PCDH15: variants seen among roughly 807,000 people sequenced by gnomAD.
PCDH15 encodes the protein protocadherin-15.
PCDH15 carries 129 observed loss-of-function variants against 178.5 expected under a neutral mutation model. The observed-to-expected ratio is 0.72, with a 90% CI of 0.63 to 0.84. The LOEUF (loss-of-function observed/expected upper bound fraction) is 0.84. Ranked by LOEUF, PCDH15 falls within the 40% of genes least tolerant of loss-of-function variation. The probability of loss-of-function intolerance (pLI) is 0.00; values close to 1 mark genes in which losing one functional copy is unlikely to be tolerated. For synonymous variants in PCDH15, 800 were observed against 732.0 expected (o/e 1.09, Z -1.50); for missense variants, 2,230 against 2,099.9 (o/e 1.06, Z -1.21).
At chr10:54,643,469 C>T (rs2135021141) in intron 2 of PCDH15, among the ~76,000 whole-genome samples, 1 of 152,216 alleles carries the variant, frequency 6.6e-6, no homozygotes, top group East Asian at 1.9e-4. Flanking sequence ...TACATTCAAA[C>T]ACATGTGTTG....
chr10:55,520,161 G>A (rs1364391772), intron 2 of PCDH15, among the ~76,000 whole-genome samples: 1 of 82,596 alleles, frequency 1.2e-5, no homozygotes, highest in African/African-American at 4.8e-5. Context: ...CACGCAATGT[G>A]TATATATATA....
At chr10:55,561,485 A>G (rs986509573) in intron 2 of PCDH15, among the ~76,000 whole-genome samples, 1 of 151,900 alleles carries the variant, frequency 6.6e-6, no homozygotes, top group Non-Finnish European at 1.5e-5. Context: ...TATGAATGAT[A>G]ATAATATTTT....
intron 2 of PCDH15, among the ~76,000 whole-genome samples, chr10:54,653,327 C>T (rs1205525276): frequency 6.6e-6 from 1 of 152,046 alleles, no homozygotes; most frequent in Non-Finnish European, 1.5e-5. Flanking sequence ...TCCTACTAGC[C>T]GTGTGTTATA....
At chr10:55,587,989 A>G (rs1328811016) in intron 2 of PCDH15, among the ~76,000 whole-genome samples, 2 of 152,216 alleles carry the variant, frequency 1.3e-5, no homozygotes, top group Non-Finnish European at 2.9e-5. Flanking sequence ...CAAGTGCTGA[A>G]TCGACAGCAT....
chr10:54,375,917 C>T (rs116692049), intron 4 of PCDH15, among the ~76,000 whole-genome samples: 5,294 of 147,724 alleles, frequency 0.036, 156 homozygotes, highest in African/African-American at 0.07. Flanking sequence ...CTTTTTGAGA[C>T]GGAGTCACAC....
At chr10:54,381,534 G>T (rs1410721397) in intron 3 of PCDH15, among the ~76,000 whole-genome samples, 1 of 151,996 alleles carries the variant, frequency 6.6e-6, no homozygotes. Flanking sequence ...TCTCTTCTTT[G>T]ACTTCATTTT....
chr10:54,869,346 T>C (rs926424668), intron 3 of PCDH15, among the ~76,000 whole-genome samples: 10 of 152,198 alleles, frequency 6.6e-5, no homozygotes, highest in African/African-American at 2.4e-4. Flanking sequence ...GCCAACATTA[T>C]GATTTCAAAC....
chr10:54,416,064 G>A (rs190306043), intron 3 of PCDH15, among the ~76,000 whole-genome samples: 1 of 152,172 alleles, frequency 6.6e-6, no homozygotes, highest in East Asian at 1.9e-4. Flanking sequence ...CCCTGGCGCA[G>A]GTGATTCTCC....
At chr10:55,231,016 G>C (rs532769897) in intron 1 of PCDH15, among the ~76,000 whole-genome samples, 34 of 151,910 alleles carry the variant, frequency 2.2e-4, no homozygotes, top group Non-Finnish European at 4.4e-4. Context: ...GAGATACAGA[G>C]AAACAGTGTA....
chr10:54,194,351 T>G (rs984882958), intron 11 of PCDH15, among the ~76,000 whole-genome samples: 3 of 152,128 alleles, frequency 2.0e-5, no homozygotes, highest in African/African-American at 7.2e-5. Context: ...TAAGCAAAAT[T>G]TAAAAGTTAT....
chr10:54,134,313 G>C (rs1315100858), intron 14 of PCDH15, among the ~76,000 whole-genome samples: 1 of 89,106 alleles, frequency 1.1e-5, no homozygotes, highest in Non-Finnish European at 2.6e-5. Context: ...AAAGTGCTGG[G>C]ATAACAGGTA....
chr10:54,643,088 A>G (rs1328525520), intron 2 of PCDH15, among the ~76,000 whole-genome samples: 3 of 151,926 alleles, frequency 2.0e-5, no homozygotes, highest in Non-Finnish European at 4.4e-5. Context: ...ACGCCCAGCT[A>G]ATTTTTTTGT....
At chr10:55,298,189 A>G (rs1843182504) in intron 1 of PCDH15, among the ~76,000 whole-genome samples, 1 of 152,238 alleles carries the variant, frequency 6.6e-6, no homozygotes. Context: ...ACTCATAAGG[A>G]GAAAAGGGGA....
intron 1 of PCDH15, among the ~76,000 whole-genome samples, chr10:54,776,215 A>C (rs1241370312): frequency 1.3e-5 from 2 of 152,170 alleles, no homozygotes; most frequent in South Asian, 4.1e-4. Flanking sequence ...ACAATCACGA[A>C]TAGTGCTGCA....
At chr10:54,726,851 GAA>G (rs1476883958) in intron 1 of PCDH15, among the ~76,000 whole-genome samples, 3 of 114,710 alleles carry the variant, frequency 2.6e-5, no homozygotes, top group African/African-American at 1.1e-4. Context: ...GGATTAAAAA[GAA>G]GAAAAAAAAA....
chr10:54,909,255 C>A (rs1954778138), intron 2 of PCDH15, among the ~76,000 whole-genome samples: 1 of 152,156 alleles, frequency 6.6e-6, no homozygotes, highest in Admixed American at 6.5e-5. Flanking sequence ...GGTGGGGCTT[C>A]ACCAAGACCC....
intron 1 of PCDH15, among the ~76,000 whole-genome samples, chr10:55,285,554 T>C (rs2132262138): frequency 6.6e-6 from 1 of 152,008 alleles, no homozygotes; most frequent in South Asian, 2.1e-4. Flanking sequence ...TCATTTTTTT[T>C]CTTTTTTCTT....
intron 1 of PCDH15, among the ~76,000 whole-genome samples, chr10:54,742,598 A>C (rs1242457319): frequency 6.6e-6 from 1 of 152,034 alleles, no homozygotes; most frequent in African/African-American, 2.4e-5. Context: ...ATAGATTTCC[A>C]CTGATGACGT....
At chr10:55,266,756 C>T (rs1842307586) in intron 1 of PCDH15, among the ~76,000 whole-genome samples, 1 of 152,136 alleles carries the variant, frequency 6.6e-6, no homozygotes, top group African/African-American at 2.4e-5. Flanking sequence ...ACCAGCAGAA[C>T]CACACAGAGT....
Sources: gnomAD v4.1 joint callset for allele counts (sites outside exome capture counted in the v4.1 genomes callset) on GRCh38, gnomAD v4.1.1 for gene constraint, MANE v1.5 for transcripts, NCBI Gene and HGNC (gene_info 2026-07-23, HGNC 2026-07-21) for gene names.